CS: variants seen among roughly 807,000 people sequenced by gnomAD.
The protein encoded by CS is citrate synthase, also known as citrate synthase, mitochondrial.
In CS, 13 loss-of-function variants were observed where a neutral mutation model predicts 61.4. The observed-to-expected ratio is 0.21, with a 90% confidence interval of 0.14 to 0.34. The LOEUF (loss-of-function observed/expected upper bound fraction) is 0.34. CS is among the 10% of genes least tolerant of loss of function. The pLI is 1.00. For synonymous variants in CS, 159 were observed against 215.2 expected (o/e 0.74, Z 2.29); for missense variants, 278 against 573.4 (o/e 0.48, Z 5.26).
At chr12:56,283,051 G>A (rs1872822666) in intron 4 of CS, 60 bp from the exon 5 acceptor site, 1 of 1,584,804 alleles carries the variant, frequency 6.3e-7, no homozygotes, top group South Asian at 1.1e-5. Context: ...CACACGACTG[G>A]TCTTACTCAT....
At chr12:56,294,432 C>G (rs1052647918) in intron 1 of CS, among the ~76,000 whole-genome samples, 3 of 144,118 alleles carry the variant, frequency 2.1e-5, no homozygotes, top group Admixed American at 2.1e-4. Context: ...CGAGATCATG[C>G]CACTGTACTC....
chr12:56,276,702 C>T (rs1194955473), intron 6 of CS, among the ~76,000 whole-genome samples: 4 of 152,126 alleles, frequency 2.6e-5, no homozygotes, highest in South Asian at 4.2e-4. Context: ...CCACCATACC[C>T]GGCTAATTTT....
chr12:56,278,255 T>C (rs1872679694), intron 6 of CS, among the ~76,000 whole-genome samples: 1 of 152,176 alleles, frequency 6.6e-6, no homozygotes, highest in African/African-American at 2.4e-5. Context: ...CTTGGCCTTC[T>C]GAGTAGCTGG....
intron 1 of CS, among the ~76,000 whole-genome samples, chr12:56,289,737 C>T (rs973578274): frequency 2.0e-5 from 3 of 152,044 alleles, no homozygotes; most frequent in African/African-American, 7.2e-5. Context: ...CCACCGCGCC[C>T]GGCCAGCTAA....
intron 6 of CS, among the ~76,000 whole-genome samples, chr12:56,281,468 G>A (rs1872774776): frequency 6.6e-6 from 1 of 152,146 alleles, no homozygotes; most frequent in South Asian, 2.1e-4. Context: ...GGTATCTTAG[G>A]TTGGCTAGCC....
intron 1 of CS, chr12:56,298,624 CAGG>C (rs905716788): frequency 4.1e-6 from 4 of 985,332 alleles, no homozygotes; most frequent in African/African-American, 1.7e-5. Flanking sequence ...TCCCCAGCAG[CAGG>C]AGAAGCAACA....
chr12:56,300,324 C>A lies in CS; in HGVS notation c.-123G>T. 1 of 1,115,702 alleles carries A rather than the reference C, an allele frequency of 9.0e-7. No homozygotes were observed. Among genetic ancestry groups the A allele is most frequent in the Non-Finnish European group, 1.3e-6 (1 of 784,888 alleles). The allele number at this position is 1,115,702 out of a possible 1,614,324, so 69.1% of individuals were successfully genotyped here. ...GGTTGACAAGGTTGAAAGGAGGCGGCTGAAGGAAAGAGTAGACGAACCGGC... is the reference window on the plus strand; with the variant it reads ...GGTTGACAAGGTTGAAAGGAGGCGGATGAAGGAAAGAGTAGACGAACCGGC... On this transcript the variant is annotated 5_prime_UTR_variant, in exon 1 of 11. Transcript: ENST00000351328.
chr12:56,280,440 A>AAAAAC (rs1555162655), intron 6 of CS, among the ~76,000 whole-genome samples: 457 of 119,576 alleles, frequency 3.8e-3, no homozygotes, highest in Middle Eastern at 0.011. Flanking sequence ...AAAAAAAACA[A>AAAAAC]AAAAATTAGC....
At chr12:56,290,795 C>T (rs1873097942) in intron 1 of CS, among the ~76,000 whole-genome samples, 2 of 152,184 alleles carry the variant, frequency 1.3e-5, no homozygotes, top group Admixed American at 6.6e-5. Context: ...TATTTCTCTT[C>T]CCATTTCCAT....
intron 1 of CS, among the ~76,000 whole-genome samples, chr12:56,290,289 G>A (rs1047104769): frequency 2.0e-5 from 3 of 152,116 alleles, no homozygotes; most frequent in Admixed American, 6.5e-5. Context: ...TTAGCTCATT[G>A]CAACCTCCCT....
intron 1 of CS, chr12:56,291,179 TA>T: frequency 9.7e-7 from 1 of 1,034,600 alleles, no homozygotes; most frequent in Non-Finnish European, 1.3e-6. Flanking sequence ...CTGAATTCAG[TA>T]AATATTTGTT....
intron 1 of CS, among the ~76,000 whole-genome samples, chr12:56,292,992 T>C (rs1243726237): frequency 6.6e-6 from 1 of 151,460 alleles, no homozygotes; most frequent in East Asian, 1.9e-4. Context: ...GGAACAAGCA[T>C]TTCAAACAGG....
chr12:56,271,722 T>C lies in CS; in HGVS notation c.*1362A>G, dbSNP rs750687320. The C allele has an allele frequency of 1.3e-5, 4 of 307,678 alleles. No individual in the cohort carries two copies. Among genetic ancestry groups the C allele is most frequent in the Admixed American group, 9.0e-5 (2 of 22,230 alleles). 19.1% of individuals were successfully genotyped at this position (307,678 alleles called of 1,614,324 possible). A position where few individuals can be genotyped will look rare whatever the true frequency, so the allele number is the denominator to read the frequency against. ...AGCATTGTTAATAAAAACATTTATT[T>C]TGCATTTTATACAGAACAACCTGAA... On this transcript the variant is annotated 3_prime_UTR_variant, in exon 11 of 11. Coordinates refer to ENST00000351328, the MANE Select transcript of CS (RefSeq NM_004077.3).
chr12:56,284,910 A>C (rs1326201639), intron 3 of CS, among the ~76,000 whole-genome samples: 10 of 151,692 alleles, frequency 6.6e-5, no homozygotes, highest in East Asian at 1.9e-4. Flanking sequence ...AAAAAAAAAA[A>C]AAAACAGGGT....
rs59911757 is a variant in CS at position 56,274,320 on chromosome 12, T to TAA, written c.1020+455_1020+456dup. 5.8e-3 allele frequency: 723 copies of TAA among 123,980 alleles called. 4 individuals carry two copies. Among genetic ancestry groups the TAA allele is most frequent in the South Asian group, 0.035 (126 of 3,614 alleles). The allele number at this position is 123,980 out of a possible 1,614,324, so 7.7% of individuals were successfully genotyped here. A position where few individuals can be genotyped will look rare whatever the true frequency, so the allele number is the denominator to read the frequency against. On this transcript the variant is annotated intron_variant, in intron 9 of 10. Transcript: ENST00000351328. ...TGGGCAACAAGAGCAAGACTGTCTT[T>TAA]AAAAAAAAAAAAAAAAAAAAGATAG...
chr12:56,274,467 T>C (rs557667514), intron 9 of CS: 6 of 233,842 alleles, frequency 2.6e-5, no homozygotes, highest in Admixed American at 2.5e-4. Context: ...AAACTGTTTT[T>C]TAGAGAATGG....
Position 56,274,816 on chromosome 12 carries a change from C to T in CS, c.981G>A (p.Lys327=). 1 of 1,611,372 alleles carries T rather than the reference C, an allele frequency of 6.2e-7. No individual in the cohort carries two copies. Among genetic ancestry groups the T allele is most frequent in the Non-Finnish European group, 8.5e-7 (1 of 1,178,880 alleles). Reference sequence around the variant, plus strand: ...GTGTGTTCCAGATGTAGTCTCGTAACTTCTCATCTGACACATCTTTGCCAA... The same window carrying T: ...GTGTGTTCCAGATGTAGTCTCGTAATTTCTCATCTGACACATCTTTGCCAA... The part of the protein sequence containing the change: ...KEVGKDVSDE[K]LRDYIWNTLN... The change falls in exon 9 of 11, where the codon AAG becomes AAA. Residue 327 remains lysine, a synonymous_variant. Coordinates refer to ENST00000351328, the MANE Select transcript of CS (RefSeq NM_004077.3).
At chr12:56,284,830 C>T (rs1204731284) in intron 3 of CS, among the ~76,000 whole-genome samples, 17 of 140,544 alleles carry the variant, frequency 1.2e-4, no homozygotes, top group South Asian at 2.4e-4. Context: ...ACCCGGGAGG[C>T]GGAGGTTGTA....
intron 1 of CS, among the ~76,000 whole-genome samples, chr12:56,288,323 T>C (rs1296191586): frequency 6.6e-6 from 1 of 152,002 alleles, no homozygotes; most frequent in Admixed American, 6.6e-5. Context: ...GTGAGAGTTC[T>C]ATAGGGCTGA....
Sources: gnomAD v4.1 joint callset for allele counts (sites outside exome capture counted in the v4.1 genomes callset) on GRCh38, gnomAD v4.1.1 for gene constraint, MANE v1.5 for transcripts, NCBI Gene and HGNC (gene_info 2026-07-23, HGNC 2026-07-21) for gene names.